XPO6: variants seen among roughly 807,000 people sequenced by gnomAD.
XPO6 encodes the protein exportin 6, also known as exportin-6.
A neutral mutation model predicts 130.0 loss-of-function variants in XPO6; 3 were observed. The observed-to-expected ratio is 0.02, with a 90% CI of 0.01 to 0.06. XPO6 has a LOEUF of 0.06. XPO6 is among the 10% of genes least tolerant of loss of function. XPO6 has a pLI of 1.00. For synonymous variants in XPO6, 524 were observed against 548.9 expected, an observed-to-expected ratio of 0.95 and a Z score of 0.63; for missense variants, 970 against 1,393.0, an observed-to-expected ratio of 0.70 and a Z score of 4.83.
chr16:28,104,564 C>G lies in XPO6; in HGVS notation c.2928G>C (p.Gln976His). ...ACGTTACCTGCATGATGGCACTGAA[C>G]TGGGGCTCATTCTCCATCTGCTCCT... ...IAEEQMENEP[Q>H]FSAIMQAFGQ... Residue 976 changes from glutamine to histidine, a missense_variant, in exon 21 of 24, where the codon CAG becomes CAC. Around this residue, in one of 4 missense-constraint regions of XPO6, gnomAD observed 936 missense variants for 1,306.8 expected, o/e 0.72. Transcript: ENST00000304658. 3.1e-6 allele frequency: 5 copies of G among 1,614,216 alleles called. No homozygotes were observed. Among genetic ancestry groups the G allele is most frequent in the Non-Finnish European group, 4.2e-6 (5 of 1,180,040 alleles).
intron 4 of XPO6, among the ~76,000 whole-genome samples, chr16:28,173,486 T>C (rs530805990): frequency 6.6e-6 from 1 of 152,300 alleles, no homozygotes; most frequent in Admixed American, 6.5e-5. Flanking sequence ...CTCACGCCTA[T>C]AATCCTAGCA....
In XPO6 at chr16:28,211,554, G is replaced by A. The variant is rs2044132568; in HGVS notation, c.-186C>T. On this transcript the variant is annotated 5_prime_UTR_variant, in exon 1 of 24. The change creates a premature stop within an existing upstream ORF in the 5' untranslated region. Coordinates refer to ENST00000304658, the MANE Select transcript of XPO6 (RefSeq NM_015171.4). ...GCAGGGCCGCCCGGGTCGCCTCATCGGGGGACCCCGAGACAATTCATCCAG... is the reference window on the plus strand; with the variant it reads ...GCAGGGCCGCCCGGGTCGCCTCATCAGGGGACCCCGAGACAATTCATCCAG... 2 of 500,894 alleles carry A rather than the reference G, an allele frequency of 4.0e-6. No homozygotes were observed. The highest frequency in any genetic ancestry group is 6.5e-6 in the Non-Finnish European group (2 of 307,570). 31.0% of individuals were successfully genotyped at this position (500,894 alleles called of 1,614,324 possible).
At chr16:28,173,967 C>T (rs1294252024) in intron 4 of XPO6, among the ~76,000 whole-genome samples, 2 of 152,206 alleles carry the variant, frequency 1.3e-5, no homozygotes, top group African/African-American at 4.8e-5. Flanking sequence ...TCCCTCTCTT[C>T]TTGTCACAGG....
At chr16:28,183,512 G>A (rs564852477) in intron 1 of XPO6, 11 of 151,330 alleles carry the variant, frequency 7.3e-5, no homozygotes, top group South Asian at 2.1e-4. Flanking sequence ...AACCAAATCC[G>A]GGGCATTACC....
chr16:28,200,876 C>T (rs982632796), intron 1 of XPO6, among the ~76,000 whole-genome samples: 1 of 152,056 alleles, frequency 6.6e-6, no homozygotes, highest in Admixed American at 6.6e-5. Flanking sequence ...ATACCCTACG[C>T]GGTATGCATG....
In XPO6 at chr16:28,146,110, C is replaced by T; in HGVS notation, c.1318G>A (p.Glu440Lys). The change falls in exon 9 of 24, where the codon GAA becomes AAA. Residue 440 changes from glutamate (E) to lysine (K), a missense_variant. By Grantham distance (56) the Glu-to-Lys change is moderately conservative (BLOSUM62 1). Coordinates refer to ENST00000304658, the MANE Select transcript of XPO6 (RefSeq NM_015171.4). Reference sequence around the variant, plus strand: ...GGAGTTTACCTGTTGAGAACTGCTTCCTTGTCTCCAAGACGACTTTTAATT... The same window carrying T: ...GGAGTTTACCTGTTGAGAACTGCTTTCTTGTCTCCAAGACGACTTTTAATT... ...SKIKSRLGDK[E>K]AVLNRYEDAL... 1 of 1,613,734 alleles carries T rather than the reference C, an allele frequency of 6.2e-7. No individual in the cohort carries two copies. Among genetic ancestry groups the T allele is most frequent in the Non-Finnish European group, 8.5e-7 (1 of 1,179,726 alleles).
intron 6 of XPO6, among the ~76,000 whole-genome samples, chr16:28,160,916 A>C (rs2043268360): frequency 6.6e-6 from 1 of 152,252 alleles, no homozygotes; most frequent in Admixed American, 6.5e-5. Context: ...AATAGTGAGA[A>C]AGGTAGTACA....
chr16:28,122,401 C>G (rs2087267134), intron 13 of XPO6, among the ~76,000 whole-genome samples: 1 of 152,222 alleles, frequency 6.6e-6, no homozygotes, highest in Non-Finnish European at 1.5e-5. Context: ...GTGGGAGGAT[C>G]ACTTGAGTCC....
At chr16:28,107,461 A>C in intron 18 of XPO6, 61 bp downstream of exon 18, 4 of 1,588,132 alleles carry the variant, frequency 2.5e-6, no homozygotes, top group South Asian at 1.1e-5. Flanking sequence ...TACAGATCTA[A>C]GTGGGTATTC....
chr16:28,114,042 G>A (rs556876153), intron 15 of XPO6, among the ~76,000 whole-genome samples: 1 of 152,166 alleles, frequency 6.6e-6, no homozygotes, highest in East Asian at 1.9e-4. Context: ...CAGACTTGGA[G>A]GATAACATAA....
chr16:28,101,809 C>T lies in XPO6; in HGVS notation c.3045+38G>A. On this transcript the variant is annotated intron_variant, in intron 22 of 23. Coordinates refer to ENST00000304658, the MANE Select transcript of XPO6 (RefSeq NM_015171.4). This position sits in a 1 kb window ranked among gnomAD's most constrained non-coding sequence, Gnocchi z 5.4. ...AGGGTGGGACACAGGCCACAATGCC[C>T]CTGATGGAAGAATATTTCCAAGAGC... 2 of 1,607,076 alleles carry T rather than the reference C, an allele frequency of 1.2e-6. No homozygotes were observed. The highest frequency in any genetic ancestry group is 1.7e-6 in the Non-Finnish European group (2 of 1,174,610).
At chr16:28,133,502 G>T (rs74629011) in intron 11 of XPO6, among the ~76,000 whole-genome samples, 1 of 152,292 alleles carries the variant, frequency 6.6e-6, no homozygotes, top group East Asian at 1.9e-4. Flanking sequence ...AATTTGCCAA[G>T]AGCGAGCTTT....
At position 28,111,968 on chromosome 16, in the gene XPO6, C is replaced by T. The variant is rs1596794440; in HGVS notation, c.2190G>A (p.Leu730=). 2.5e-6 allele frequency: 4 copies of T among 1,613,936 alleles called. 1 individual carries two copies. The Admixed American group carries it at 6.7e-5, about 27-fold the overall frequency. ...CTGGAAGGTTTGGCCACGGAAGCAGCAAGATGTTAGAGAGGGCTCGGCACA... is the reference window on the plus strand; with the variant it reads ...CTGGAAGGTTTGGCCACGGAAGCAGTAAGATGTTAGAGAGGGCTCGGCACA... ...VLVCRALSNI[L]LLPWPNLPEN... is the part of the protein sequence containing the mutation. Residue 730 remains leucine, a synonymous_variant, in exon 17 of 24, where the codon TTG becomes TTA. Transcript: ENST00000304658.
intron 8 of XPO6, among the ~76,000 whole-genome samples, chr16:28,148,975 G>A (rs1249455628): frequency 6.6e-6 from 1 of 151,102 alleles, no homozygotes; most frequent in Non-Finnish European, 1.5e-5. Context: ...CCAGGAGGCA[G>A]AGGTTGCAGT....
intron 13 of XPO6, among the ~76,000 whole-genome samples, chr16:28,124,756 T>C (rs2087349762): frequency 6.6e-6 from 1 of 152,258 alleles, no homozygotes; most frequent in Admixed American, 6.5e-5. Context: ...AATATGAATC[T>C]GGCTTTTAAG....
Position 28,132,134 on chromosome 16 carries a change from C to A in XPO6, c.1606+200G>T, listed in dbSNP as rs1386014633. Among the ~76,000 whole-genome samples, 1 of 152,248 alleles carries A rather than the reference C, an allele frequency of 6.6e-6. No individual in the cohort carries two copies. The highest frequency in any genetic ancestry group is 2.4e-5 in the African/African-American group (1 of 41,464). Reference sequence around the variant, plus strand: ...CAAACACCTCCTTGGAATACACTGTCATGACCTCATCTTTTACCTCCCCCA... The same window carrying A: ...CAAACACCTCCTTGGAATACACTGTAATGACCTCATCTTTTACCTCCCCCA... On this transcript the variant is annotated intron_variant, in intron 12 of 23. Coordinates refer to ENST00000304658, the MANE Select transcript of XPO6 (RefSeq NM_015171.4). The surrounding 1 kb of genome is among the most constrained non-coding windows in gnomAD (Gnocchi z 4.0).
intron 1 of XPO6, among the ~76,000 whole-genome samples, chr16:28,186,231 T>G (rs1039078956): frequency 6.6e-6 from 1 of 152,122 alleles, no homozygotes; most frequent in Admixed American, 6.6e-5. Context: ...CCCTCACCAC[T>G]ATTTCTACGG....
chr16:28,103,641 C>T (rs1391964682), intron 21 of XPO6, among the ~76,000 whole-genome samples: 1 of 152,174 alleles, frequency 6.6e-6, no homozygotes, highest in African/African-American at 2.4e-5. Context: ...GTCTTCCAGG[C>T]AAGGACAGGG....
At chr16:28,136,508 G>A (rs999961229) in intron 9 of XPO6, among the ~76,000 whole-genome samples, 3 of 152,068 alleles carry the variant, frequency 2.0e-5, no homozygotes, top group Non-Finnish European at 2.9e-5. Flanking sequence ...GCGTGATCCC[G>A]CGCCCAGCAC....
Sources: gnomAD v4.1 joint callset for allele counts (sites outside exome capture counted in the v4.1 genomes callset) on GRCh38, gnomAD v4.1.1 for gene constraint, gnomAD v4.1.1 regional missense constraint, Gnocchi (gnomAD v3.1) non-coding constraint, MANE v1.5 for transcripts, NCBI Gene and HGNC (gene_info 2026-07-23, HGNC 2026-07-21) for gene names.